Variants in B4GALNT3 observed in about 807,000 individuals in gnomAD.
The protein encoded by B4GALNT3 is beta-1,4-N-acetyl-galactosaminyltransferase 3.
In B4GALNT3, 86 loss-of-function variants were observed where a neutral mutation model predicts 120.2. The ratio of observed to expected loss-of-function variants is 0.72; its 90% confidence interval spans 0.60 to 0.86. The LOEUF (loss-of-function observed/expected upper bound fraction) is 0.86, where lower values mean the gene tolerates loss of function less well. Ranked by LOEUF, B4GALNT3 falls within the 40% of genes least tolerant of loss-of-function variation. The probability of loss-of-function intolerance (pLI) is 0.00; values close to 1 mark genes in which losing one functional copy is unlikely to be tolerated. For missense variants in B4GALNT3, 1,167 were observed against 1,298.9 expected, an observed-to-expected ratio of 0.90 and a Z score of 1.56; for synonymous variants, 518 against 510.4, an observed-to-expected ratio of 1.01 and a Z score of -0.20.
chr12:532,077 A>C (rs1014551422), intron 1 of B4GALNT3, among the ~76,000 whole-genome samples: 2 of 152,120 alleles, frequency 1.3e-5, no homozygotes, highest in African/African-American at 2.4e-5. Flanking sequence ...AAGTCCTGGG[A>C]TTCCAGGCAT....
chr12:509,783 A>G (rs926162799), intron 1 of B4GALNT3, among the ~76,000 whole-genome samples: 1 of 152,106 alleles, frequency 6.6e-6, no homozygotes, highest in Non-Finnish European at 1.5e-5. Context: ...CCCAGGGAAG[A>G]TCTTGCCAGA....
intron 11 of B4GALNT3, among the ~76,000 whole-genome samples, chr12:551,811 T>C (rs1361993393): frequency 1.3e-5 from 2 of 152,000 alleles, no homozygotes; most frequent in African/African-American, 4.8e-5. Context: ...AGGGGAGATG[T>C]GGACCAGGGG....
At position 555,885 on chromosome 12, in the gene B4GALNT3, G is replaced by A. The variant is rs148677677; in HGVS notation, c.2061-662G>A. ...TGCAAGCTCCGCCTCCCGGGTTCAC[G>A]CCATTCTCCTGCCTCAGCCTCCTGA... On this transcript the variant is annotated intron_variant, in intron 14 of 19. Transcript: ENST00000266383. Among the ~76,000 whole-genome samples, 1,272 of 151,954 alleles carry A rather than the reference G, an allele frequency of 8.4e-3. 21 individuals carry two copies. Among genetic ancestry groups the A allele is most frequent in the African/African-American group, 0.029 (1,194 of 41,386 alleles).
At chr12:555,908 T>C (rs953312926) in intron 14 of B4GALNT3, among the ~76,000 whole-genome samples, 7 of 152,194 alleles carry the variant, frequency 4.6e-5, no homozygotes, top group South Asian at 2.1e-4. Flanking sequence ...CTCAGCCTCC[T>C]GAGTAGCTGG....
At chr12:544,274 G>A in intron 3 of B4GALNT3, 65 bp from the exon 4 acceptor site, 1 of 1,493,280 alleles carries the variant, frequency 6.7e-7, no homozygotes. Flanking sequence ...TCCCCCTGGA[G>A]CTGAGGATCT....
At chr12:488,724 G>A (rs903881890) in intron 1 of B4GALNT3, among the ~76,000 whole-genome samples, 3 of 152,096 alleles carry the variant, frequency 2.0e-5, no homozygotes, top group South Asian at 2.1e-4. Flanking sequence ...GGAGGCAGAG[G>A]TGGGAGGACT....
chr12:549,861 C>G lies in B4GALNT3; in HGVS notation c.946C>G (p.Gln316Glu). The G allele has an allele frequency of 6.2e-7, 1 of 1,613,706 alleles. No individual in the cohort carries two copies. Among genetic ancestry groups the G allele is most frequent in the South Asian group, 1.1e-5 (1 of 91,086 alleles). Residue 316 changes from glutamine to glutamate, a missense_variant, in exon 10 of 20, where the codon CAG (glutamine) becomes GAG (glutamate). Transcript: ENST00000266383. Reference protein sequence around the residue: ...DSSNALPRDEQPPADMLRPDP... With the variant: ...DSSNALPRDEEPPADMLRPDP... The stretch of plus-strand genomic sequence containing the variant: ...CTCCAACGCTCTTCCCAGGGATGAG[C>G]AGCCGCCCGCTGACATGCTTCGGCC...
intron 1 of B4GALNT3, among the ~76,000 whole-genome samples, chr12:485,006 T>C (rs1005853545): frequency 2.6e-5 from 4 of 152,110 alleles, no homozygotes; most frequent in African/African-American, 9.7e-5. Flanking sequence ...TGTTCTCGCA[T>C]AGACAAAATA....
At position 558,011 on chromosome 12, in the gene B4GALNT3, T is replaced by C. The variant is rs752276598; in HGVS notation, c.2535-5T>C. 2.5e-6 allele frequency: 4 copies of C among 1,613,830 alleles called. No homozygotes were observed. In the African/African-American group the frequency reaches 5.3e-5, roughly 22 times the overall value. ...GATACGCAGCCCTCTCTCCCCTTCC[T>C]GCAGCTACCAGTACGTGAAGCTAAG... On this transcript the variant is annotated splice_polypyrimidine_tract_variant and splice_region_variant and intron_variant, in intron 16 of 19. Coordinates refer to ENST00000266383, the MANE Select transcript of B4GALNT3 (RefSeq NM_173593.4).
rs1432900905 is a variant in B4GALNT3, at chr12:561,290, C to T, written c.2889-53C>T. 9 of 1,461,180 alleles carry T rather than the reference C, an allele frequency of 6.2e-6. No individual in the cohort carries two copies. In the African/African-American group the frequency reaches 8.4e-5, roughly 14 times the overall value. 90.5% of individuals were successfully genotyped at this position (1,461,180 alleles called of 1,614,324 possible). On this transcript the variant is annotated intron_variant, in intron 19 of 19. Coordinates refer to ENST00000266383, the MANE Select transcript of B4GALNT3 (RefSeq NM_173593.4). ...GGTCTGTGGTCGATGGGGAGGGGCCCCCCAGCTGCCTTCTGTGCTTCTGTT... is the reference window on the plus strand; with the variant it reads ...GGTCTGTGGTCGATGGGGAGGGGCCTCCCAGCTGCCTTCTGTGCTTCTGTT...
intron 1 of B4GALNT3, among the ~76,000 whole-genome samples, chr12:480,687 G>A (rs1040135336): frequency 2.3e-5 from 3 of 130,374 alleles, no homozygotes; most frequent in East Asian, 4.4e-4. Flanking sequence ...CCGGGACCGC[G>A]GCTGTCCTCA....
intron 1 of B4GALNT3, among the ~76,000 whole-genome samples, chr12:463,017 A>G (rs895259451): frequency 6.6e-6 from 1 of 152,210 alleles, no homozygotes; most frequent in Non-Finnish European, 1.5e-5. Context: ...TGCACCTCCC[A>G]GGCCTGTACC....
At chr12:549,654 C>T (rs1307537308) in intron 9 of B4GALNT3, 115 bp from the exon 10 acceptor site, 38 of 1,330,754 alleles carry the variant, frequency 2.9e-5, no homozygotes, top group Non-Finnish European at 3.9e-5. Flanking sequence ...ACATCCTACA[C>T]CGTCGCCGCT....
At position 553,590 on chromosome 12, in the gene B4GALNT3, C is replaced by A. The variant is rs751712605; in HGVS notation, c.1667C>A (p.Pro556His). 3 of 1,613,958 alleles carry A rather than the reference C, an allele frequency of 1.9e-6. No individual in the cohort carries two copies. The Admixed American group carries it at 5.0e-5, about 27-fold the overall frequency. The change falls in exon 14 of 20, where the codon CCC (proline) becomes CAC (histidine). Residue 556 changes from proline (P) to histidine (H), a missense_variant. Physicochemically the swap from Pro to His is moderately conservative, Grantham distance 77. This residue lies in a region of B4GALNT3 where 983 missense variants were observed against 1,102.5 expected (regional missense o/e 0.89). Coordinates refer to ENST00000266383, the MANE Select transcript of B4GALNT3 (RefSeq NM_173593.4). Reference sequence around the variant, plus strand: ...AGGCCCAGGCCCGCTGGTGACAGCCCCAGGAAGACTCAGTGGCTGAACCAG... The same window carrying A: ...AGGCCCAGGCCCGCTGGTGACAGCCACAGGAAGACTCAGTGGCTGAACCAG... ...GPRPRPAGDS[P>H]RKTQWLNQVE...
At chr12:504,207 G>C (rs891805790) in intron 1 of B4GALNT3, among the ~76,000 whole-genome samples, 5 of 151,306 alleles carry the variant, frequency 3.3e-5, no homozygotes, top group African/African-American at 7.3e-5. Flanking sequence ...CTTCAGCCTG[G>C]GAAGTCGAGG....
At chr12:531,475 C>G (rs969377149) in intron 1 of B4GALNT3, among the ~76,000 whole-genome samples, 6 of 151,868 alleles carry the variant, frequency 4.0e-5, no homozygotes, top group African/African-American at 1.5e-4. Context: ...ATAGAAAGAC[C>G]CCATCTCTAA....
chr12:468,639 C>T (rs1286668495), intron 1 of B4GALNT3, among the ~76,000 whole-genome samples: 1 of 152,252 alleles, frequency 6.6e-6, no homozygotes, highest in Non-Finnish European at 1.5e-5. Context: ...CAGCTCCTCA[C>T]ACCAGCAAGG....
chr12:542,934 G>A (rs1270370182), intron 3 of B4GALNT3, among the ~76,000 whole-genome samples: 1 of 152,092 alleles, frequency 6.6e-6, no homozygotes, highest in Non-Finnish European at 1.5e-5. Context: ...GGGTAGATAA[G>A]GTTTCACCGG....
chr12:533,681 C>G (rs1222272479), intron 1 of B4GALNT3, among the ~76,000 whole-genome samples: 1 of 152,198 alleles, frequency 6.6e-6, no homozygotes, highest in Non-Finnish European at 1.5e-5. Flanking sequence ...CTTTCCCTAT[C>G]TGTGAAATGG....
Sources: gnomAD v4.1 joint callset for allele counts (sites outside exome capture counted in the v4.1 genomes callset) on GRCh38, gnomAD v4.1.1 for gene constraint, gnomAD v4.1.1 regional missense constraint, MANE v1.5 for transcripts, NCBI Gene and HGNC (gene_info 2026-07-23, HGNC 2026-07-21) for gene names.